MACF1: variants seen among roughly 807,000 people sequenced by gnomAD.
MACF1 encodes microtubule-actin cross-linking factor 1.
Under a neutral mutation model 854.8 loss-of-function variants are expected in MACF1, and 193 were observed. That is an observed-to-expected ratio of 0.23 (90% CI 0.20 to 0.25). The LOEUF (loss-of-function observed/expected upper bound fraction) is 0.25, where lower values mean the gene tolerates loss of function less well. MACF1 is among the 10% of genes least tolerant of loss of function. The pLI, the probability that MACF1 is intolerant of heterozygous loss-of-function variation, is 1.00. For synonymous variants in MACF1, 3,185 were observed against 3,226.7 expected (o/e 0.99, Z 0.44); for missense variants, 7,722 against 8,929.1 (o/e 0.86, Z 5.45).
chr1:39,475,309 A>G (rs1295593442), intron 97 of MACF1, among the ~76,000 whole-genome samples: 1 of 152,076 alleles, frequency 6.6e-6, no homozygotes, highest in Non-Finnish European at 1.5e-5. Context: ...TCATTCTGCA[A>G]AATACAAAAA....
chr1:39,170,327 G>A (rs753561887), intron 2 of MACF1, among the ~76,000 whole-genome samples: 1 of 152,158 alleles, frequency 6.6e-6, no homozygotes, highest in Non-Finnish European at 1.5e-5. Context: ...CTCATGCCTA[G>A]CCAAGTTTAA....
At chr1:39,113,600 T>C (rs1201258314) in intron 2 of MACF1, among the ~76,000 whole-genome samples, 1 of 152,242 alleles carries the variant, frequency 6.6e-6, no homozygotes, top group Non-Finnish European at 1.5e-5. Context: ...TTCCTGATGG[T>C]TGACACATGG....
At chr1:39,223,075 GA>G (rs1405062086) in intron 1 of MACF1, among the ~76,000 whole-genome samples, 3 of 152,194 alleles carry the variant, frequency 2.0e-5, no homozygotes, top group Non-Finnish European at 4.4e-5. Context: ...TAAGAGATGG[GA>G]AAAGCTCCTG....
At chr1:39,174,058 T>G (rs1465159057) in intron 2 of MACF1, among the ~76,000 whole-genome samples, 4 of 152,178 alleles carry the variant, frequency 2.6e-5, no homozygotes, top group Admixed American at 6.5e-5. Flanking sequence ...ACCGCACATT[T>G]GTGCAGAGAT....
rs766118552 is a variant in MACF1, at chr1:39,334,085, T to A, written c.7497T>A (p.Thr2499=). 2 of 1,614,068 alleles carry A rather than the reference T, an allele frequency of 1.2e-6. No individual in the cohort carries two copies. Among genetic ancestry groups the A allele is most frequent in the African/African-American group, 2.7e-5 (2 of 74,918 alleles). ...GAGAGGAGGCCGTTCGTTTGTTGAC[T>A]AAGCAAGTGGTAGATGGAGGTATCA... is the stretch of plus-strand genomic sequence containing the variant. ...LEREEAVRLL[T]KQVVDGGIIH... Residue 2499 remains threonine (T), a synonymous_variant, in exon 37 of 101, where the codon ACT becomes ACA. Coordinates refer to ENST00000564288, the MANE Select transcript of MACF1 (RefSeq NM_001394062.1).
chr1:39,473,188 C>T (rs1644810063), intron 97 of MACF1, among the ~76,000 whole-genome samples: 1 of 152,136 alleles, frequency 6.6e-6, no homozygotes, highest in Non-Finnish European at 1.5e-5. Flanking sequence ...ATGCACCCAG[C>T]TAGGAAAGCA....
chr1:39,350,892 G>A lies in MACF1; in HGVS notation c.11073G>A (p.Leu3691=), dbSNP rs768670942. ...AGACCAAGCTGAGCCCACGTGAGTT[G>A]ACAGCTCTTCGGGAAAAGCTTCATC... is the stretch of plus-strand genomic sequence containing the variant. ...ENQTKLSPRE[L]TALREKLHQA... The change falls in exon 43 of 101, where the codon TTG becomes TTA. Residue 3691 remains leucine (L), a synonymous_variant. Coordinates refer to ENST00000564288, the MANE Select transcript of MACF1 (RefSeq NM_001394062.1). The A allele has an allele frequency of 1.2e-6, 2 of 1,614,096 alleles. No individual in the cohort carries two copies. The highest frequency in any genetic ancestry group is 2.2e-5 in the South Asian group (2 of 91,068).
At chr1:39,209,465 T>A (rs1644491324) in intron 1 of MACF1, among the ~76,000 whole-genome samples, 1 of 152,122 alleles carries the variant, frequency 6.6e-6, no homozygotes, top group Non-Finnish European at 1.5e-5. Flanking sequence ...ATGGTTTTTT[T>A]CCTCTCTAGG....
intron 40 of MACF1, among the ~76,000 whole-genome samples, chr1:39,341,855 G>C (rs1646942140): frequency 6.7e-6 from 1 of 150,314 alleles, no homozygotes; most frequent in Non-Finnish European, 1.5e-5. Flanking sequence ...TTTCTTTTTT[G>C]ACCACGATCC....
At chr1:39,099,628 T>C (rs1642017386) in intron 2 of MACF1, among the ~76,000 whole-genome samples, 1 of 152,236 alleles carries the variant, frequency 6.6e-6, no homozygotes, top group Admixed American at 6.5e-5. Flanking sequence ...CCCTCAGCCC[T>C]TGACCACTGA....
chr1:39,143,931 G>A (rs1643403769), intron 2 of MACF1, among the ~76,000 whole-genome samples: 3 of 150,524 alleles, frequency 2.0e-5, no homozygotes. Context: ...GGGACTACAG[G>A]CACCAGCCAC....
At chr1:39,160,331 G>A (rs1018703706) in intron 2 of MACF1, among the ~76,000 whole-genome samples, 1 of 152,158 alleles carries the variant, frequency 6.6e-6, no homozygotes, top group Non-Finnish European at 1.5e-5. Flanking sequence ...TAGAGACCAT[G>A]TGAAGAAGGG....
At chr1:39,264,835 G>A (rs1033197786) in intron 6 of MACF1, among the ~76,000 whole-genome samples, 4 of 151,576 alleles carry the variant, frequency 2.6e-5, no homozygotes, top group African/African-American at 9.7e-5. Flanking sequence ...CACCGCGCCC[G>A]GCTAATTTTT....
At chr1:39,248,106 A>C (rs1645002292) in intron 2 of MACF1, among the ~76,000 whole-genome samples, 1 of 152,060 alleles carries the variant, frequency 6.6e-6, no homozygotes, top group African/African-American at 2.4e-5. Flanking sequence ...CGTACCTGTC[A>C]CCTTCTTATT....
At chr1:39,362,997 TAA>T (rs955560553) in intron 49 of MACF1, among the ~76,000 whole-genome samples, 1 of 152,202 alleles carries the variant, frequency 6.6e-6, no homozygotes, top group Admixed American at 6.5e-5. Flanking sequence ...ACAATAAATA[TAA>T]GATAGTTTTA....
intron 2 of MACF1, among the ~76,000 whole-genome samples, chr1:39,099,450 C>T (rs995576309): frequency 6.6e-6 from 1 of 152,184 alleles, no homozygotes; most frequent in Admixed American, 6.5e-5. Context: ...AGCCACCGCA[C>T]CTGGCCTAAG....
At chr1:39,338,575 C>T (rs932547706) in intron 38 of MACF1, among the ~76,000 whole-genome samples, 1 of 152,204 alleles carries the variant, frequency 6.6e-6, no homozygotes, top group African/African-American at 2.4e-5. Flanking sequence ...AGCCTGGCAA[C>T]TGCTTGTGCT....
intron 91 of MACF1, chr1:39,459,823 A>G (rs1354210607): frequency 2.3e-6 from 3 of 1,304,314 alleles, no homozygotes; most frequent in Non-Finnish European, 3.0e-6. Context: ...CAAAGCAGCT[A>G]TGCCTGGAAG....
rs993578226 is a variant in MACF1, at chr1:39,434,680, T to C, written c.17784+48T>C. ...TTTTATTGTTCTAAAATGGTCTCTA[T>C]AATTTATTTAAAAACAACATTTGTT... is the stretch of plus-strand genomic sequence containing the variant. On this transcript the variant is annotated intron_variant, in intron 69 of 100. Transcript: ENST00000564288. The C allele has an allele frequency of 2.6e-6, 4 of 1,535,152 alleles. No individual in the cohort carries two copies. The Admixed American group carries it at 5.6e-5, about 21-fold the overall frequency.
Sources: gnomAD v4.1 joint callset for allele counts (sites outside exome capture counted in the v4.1 genomes callset) on GRCh38, gnomAD v4.1.1 for gene constraint, MANE v1.5 for transcripts, NCBI Gene and HGNC (gene_info 2026-07-23, HGNC 2026-07-21) for gene names.